Variants in HNRNPUL1 observed in about 807,000 individuals in gnomAD.
HNRNPUL1 encodes heterogeneous nuclear ribonucleoprotein U like 1.
Under a neutral mutation model 108.5 loss-of-function variants are expected in HNRNPUL1, and 14 were observed. That is an observed-to-expected ratio of 0.13 (90% CI 0.09 to 0.20). The LOEUF (loss-of-function observed/expected upper bound fraction) is 0.20. Ranked by LOEUF, HNRNPUL1 falls within the 10% of genes least tolerant of loss-of-function variation. The probability of loss-of-function intolerance (pLI) is 1.00; values close to 1 mark genes in which losing one functional copy is unlikely to be tolerated. For synonymous variants in HNRNPUL1, 422 were observed against 445.2 expected, an observed-to-expected ratio of 0.95 and a Z score of 0.66; for missense variants, 804 against 1,168.3, an observed-to-expected ratio of 0.69 and a Z score of 4.55.
At chr19:41,285,718 T>C (rs1011413799) in intron 7 of HNRNPUL1, among the ~76,000 whole-genome samples, 1 of 152,150 alleles carries the variant, frequency 6.6e-6, no homozygotes, top group African/African-American at 2.4e-5. Context: ...TATTTTGATA[T>C]TGGAGAATGC....
At chr19:41,264,129 T>C (rs903537807), upstream of HNRNPUL1, among the ~76,000 whole-genome samples, 2 of 152,114 alleles carry the variant, frequency 1.3e-5, no homozygotes, top group Admixed American at 6.5e-5. Context: ...CGCGCGAGAG[T>C]TACCCAATCA....
At chr19:41,305,431 TC>T (rs1289131431) in intron 13 of HNRNPUL1, among the ~76,000 whole-genome samples, 1 of 152,218 alleles carries the variant, frequency 6.6e-6, no homozygotes, top group African/African-American at 2.4e-5. Context: ...TGTACCTTGC[TC>T]CCTGGGGGTC....
intron 7 of HNRNPUL1, among the ~76,000 whole-genome samples, chr19:41,287,019 G>C (rs543824091): frequency 6.6e-6 from 1 of 150,688 alleles, no homozygotes; most frequent in East Asian, 2.0e-4. Context: ...CGCCCAGTCG[G>C]TGTGTACCCT....
rs1190005464 is a variant in HNRNPUL1 at position 41,305,758 on chromosome 19, C to T, written c.2345C>T (p.Pro782Leu). Residue 782 changes from proline to leucine, a missense_variant, in exon 14 of 15, where the codon CCT becomes CTT. Transcript: ENST00000392006. ...CCACCGCCTCCACCTCCACCACCAC[C>T]TGCCTACAACTATGGGAGCTACGGC... ...TAPPPPPPPP[P>L]AYNYGSYGGY... The T allele has an allele frequency of 6.2e-7, 1 of 1,614,028 alleles. No homozygotes were observed. The highest frequency in any genetic ancestry group is 8.5e-7 in the Non-Finnish European group (1 of 1,179,902).
chr19:41,302,704 A>G lies in HNRNPUL1; in HGVS notation c.1727A>G (p.Glu576Gly). The G allele has an allele frequency of 6.2e-7, 1 of 1,614,144 alleles. No individual in the cohort carries two copies. The highest frequency in any genetic ancestry group is 8.5e-7 in the Non-Finnish European group (1 of 1,180,026). The change falls in exon 12 of 15, where the codon GAG becomes GGG. Residue 576 changes from glutamate to glycine, a missense_variant. Coordinates refer to ENST00000392006, the MANE Select transcript of HNRNPUL1 (RefSeq NM_007040.6). ...CCAGATGTTGGGGACTTCCTGGATG[A>G]GGTTCTGTTCATTGAGCTGCAGCGG... ...TLPDVGDFLDEVLFIELQREE... is the reference protein window; with the variant it reads ...TLPDVGDFLDGVLFIELQREE...
chr19:41,273,744 G>GC (rs1464550043), intron 3 of HNRNPUL1, among the ~76,000 whole-genome samples: 1 of 152,138 alleles, frequency 6.6e-6, no homozygotes, highest in Non-Finnish European at 1.5e-5. Flanking sequence ...TGATTCTGAT[G>GC]CCCCCCTTCA....
intron 1 of HNRNPUL1, chr19:41,265,077 C>T (rs1267252671): frequency 7.1e-7 from 1 of 1,408,706 alleles, no homozygotes; most frequent in Non-Finnish European, 9.2e-7. Flanking sequence ...GGATCGGAGA[C>T]CGGAAACTGC....
intron 7 of HNRNPUL1, among the ~76,000 whole-genome samples, chr19:41,285,965 T>A (rs1287441593): frequency 1.3e-5 from 2 of 151,950 alleles, no homozygotes; most frequent in Non-Finnish European, 2.9e-5. Flanking sequence ...GCCCAGAAGT[T>A]CAAGACCAGC....
intron 7 of HNRNPUL1, among the ~76,000 whole-genome samples, chr19:41,290,073 C>T (rs547392879): frequency 4.6e-5 from 7 of 152,198 alleles, no homozygotes; most frequent in African/African-American, 9.6e-5. Flanking sequence ...GCCTCTGACA[C>T]AGAGCTGTGC....
intron 7 of HNRNPUL1, among the ~76,000 whole-genome samples, chr19:41,281,678 T>G (rs2035907993): frequency 6.6e-6 from 1 of 152,198 alleles, no homozygotes; most frequent in Non-Finnish European, 1.5e-5. Flanking sequence ...AACTTCTCCC[T>G]TTCTTCATCT....
At chr19:41,299,531 T>G (rs780662871) in intron 10 of HNRNPUL1, among the ~76,000 whole-genome samples, 5 of 152,252 alleles carry the variant, frequency 3.3e-5, no homozygotes, top group Non-Finnish European at 5.9e-5. Context: ...CCTGTAGGTC[T>G]TATTTTCAGA....
At chr19:41,284,960 T>C (rs1416768812) in intron 7 of HNRNPUL1, among the ~76,000 whole-genome samples, 4 of 141,252 alleles carry the variant, frequency 2.8e-5, no homozygotes, top group Admixed American at 7.4e-5. Flanking sequence ...TGCGCCACTG[T>C]ACTCCCGCCT....
intron 2 of HNRNPUL1, 136 bp downstream of exon 2, chr19:41,268,481 T>TTAGA: frequency 1.1e-6 from 1 of 895,722 alleles, no homozygotes; most frequent in African/African-American, 1.7e-5. Context: ...ATTGTCACTC[T>TTAGA]GGCAAGAATT....
chr19:41,295,240 T>C (rs2036822301), intron 10 of HNRNPUL1, among the ~76,000 whole-genome samples: 1 of 152,234 alleles, frequency 6.6e-6, no homozygotes, highest in African/African-American at 2.4e-5. Context: ...TACGTATGAC[T>C]GGCAGGTACA....
rs947711348 is a variant in HNRNPUL1, at chr19:41,291,131, G to A, written c.1000-1114G>A. Among the ~76,000 whole-genome samples the A allele has an allele frequency of 4.6e-5, 7 of 152,310 alleles. No homozygotes were observed. In the South Asian group the frequency reaches 1.2e-3, roughly 27 times the overall value. Reference sequence around the variant, plus strand: ...GAATAAATGAATGTGGTCCCTGCATGGCTCTTCAGCTGTTCCTGAATTACT... The same window carrying A: ...GAATAAATGAATGTGGTCCCTGCATAGCTCTTCAGCTGTTCCTGAATTACT... On this transcript the variant is annotated intron_variant, in intron 7 of 14. Coordinates refer to ENST00000392006, the MANE Select transcript of HNRNPUL1 (RefSeq NM_007040.6).
intron 5 of HNRNPUL1, among the ~76,000 whole-genome samples, chr19:41,277,112 A>AC (rs1355842092): frequency 7.5e-6 from 1 of 133,624 alleles, no homozygotes; most frequent in African/African-American, 2.6e-5. Context: ...AAAAAAACAA[A>AC]AAAACAAAAA....
At chr19:41,273,215 C>G (rs544515713) in intron 3 of HNRNPUL1, among the ~76,000 whole-genome samples, 2 of 152,256 alleles carry the variant, frequency 1.3e-5, no homozygotes, top group African/African-American at 4.8e-5. Flanking sequence ...GTGATGAGCA[C>G]AGCTCATCCA....
At chr19:41,274,455 G>A (rs1027359557) in intron 4 of HNRNPUL1, among the ~76,000 whole-genome samples, 3 of 152,198 alleles carry the variant, frequency 2.0e-5, no homozygotes, top group Admixed American at 6.5e-5. Flanking sequence ...TTGACAACCA[G>A]TTCCCGTTTC....
intron 1 of HNRNPUL1, chr19:41,265,137 T>C (rs887773251): frequency 1.4e-6 from 2 of 1,411,924 alleles, no homozygotes; most frequent in Admixed American, 3.0e-5. Context: ...CCGTTTGGGT[T>C]GGGGAGGGTC....
Sources: gnomAD v4.1 joint callset for allele counts (sites outside exome capture counted in the v4.1 genomes callset) on GRCh38, gnomAD v4.1.1 for gene constraint, MANE v1.5 for transcripts, NCBI Gene and HGNC (gene_info 2026-07-23, HGNC 2026-07-21) for gene names.